PHC2: variants seen among roughly 807,000 people sequenced by gnomAD.
PHC2 encodes polyhomeotic homolog 2, also known as polyhomeotic-like protein 2.
A neutral mutation model predicts 87.4 loss-of-function variants in PHC2; 29 were observed. The ratio of observed to expected loss-of-function variants is 0.33; its 90% CI spans 0.25 to 0.45. The LOEUF (loss-of-function observed/expected upper bound fraction) is 0.45. Ranked by LOEUF, PHC2 falls within the 20% of genes least tolerant of loss-of-function variation. The probability of loss-of-function intolerance (pLI) is 1.00; values close to 1 mark genes in which losing one functional copy is unlikely to be tolerated. For missense variants in PHC2, 857 were observed against 1,136.7 expected, an observed-to-expected ratio of 0.75 and a Z score of 3.54; for synonymous variants, 438 against 461.7, an observed-to-expected ratio of 0.95 and a Z score of 0.66.
intron 1 of PHC2, among the ~76,000 whole-genome samples, chr1:33,424,031 G>A (rs1043789295): frequency 2.9e-5 from 2 of 69,598 alleles, no homozygotes; most frequent in Non-Finnish European, 5.4e-5. Flanking sequence ...GGGAGGCGGA[G>A]GTGGTGCAGT....
At position 33,367,157 on chromosome 1, in the gene PHC2, C is replaced by T. The variant is rs555828655; in HGVS notation, c.935G>A (p.Arg312Gln). Residue 312 changes from arginine (R) to glutamine (Q), a missense_variant, in exon 7 of 15, where the codon CGG becomes CAG. By Grantham distance (43) the Arg-to-Gln change is conservative. Transcript: ENST00000683057. ...GTGGGCAGCCACAGCAGGAACCGTC[C>T]GGCTGAGCCCAGCCCGGCCTTCCAT... is the stretch of plus-strand genomic sequence containing the variant. ...GSMEGRAGLS[R>Q]TVPAVAAHPL... The T allele has an allele frequency of 2.4e-5, 39 of 1,613,704 alleles. No individual in the cohort carries two copies. Among genetic ancestry groups the T allele is most frequent in the African/African-American group, 8.0e-5 (6 of 75,046 alleles).
In PHC2 at chr1:33,354,839, A is replaced by G; in HGVS notation, c.1391T>C (p.Val464Ala). ...GGACCTTGGGGCTGGCTTACTCACCACTGGTGAAGCAGGCTGCAGTTGTAA... is the reference window on the plus strand; with the variant it reads ...GGACCTTGGGGCTGGCTTACTCACCGCTGGTGAAGCAGGCTGCAGTTGTAA... ...VILQLQPASP[V>A]PQQCVPDDWK... The change falls in exon 8 of 15, where the codon GTG (valine) becomes GCG (alanine). Residue 464 changes from valine (V) to alanine (A), a missense_variant and splice_region_variant. Physicochemically the swap from Val to Ala is moderately conservative, Grantham distance 64. Coordinates refer to ENST00000683057, the MANE Select transcript of PHC2 (RefSeq NM_001385109.1). 1 of 1,612,864 alleles carries G rather than the reference A, an allele frequency of 6.2e-7. No homozygotes were observed. The highest frequency in any genetic ancestry group is 8.5e-7 in the Non-Finnish European group (1 of 1,179,346).
chr1:33,414,893 C>A (rs1650141107), intron 1 of PHC2, among the ~76,000 whole-genome samples: 1 of 152,262 alleles, frequency 6.6e-6, no homozygotes, highest in South Asian at 2.1e-4. Context: ...TTTGAAACTT[C>A]TATTTAGAAG....
chr1:33,385,364 A>G (rs1648688525), intron 1 of PHC2, among the ~76,000 whole-genome samples: 1 of 152,248 alleles, frequency 6.6e-6, no homozygotes, highest in African/African-American at 2.4e-5. Context: ...GAGAGAGTTT[A>G]GAAAAGGGGA....
Position 33,333,967 on chromosome 1 carries a change from G to A in PHC2, c.1761+123C>T, listed in dbSNP as rs1570448729. 3.3e-5 allele frequency: 27 copies of A among 819,476 alleles called. No homozygotes were observed. In the Admixed American group the frequency reaches 6.9e-4, roughly 21 times the overall value. 50.8% of individuals were successfully genotyped at this position (819,476 alleles called of 1,614,324 possible). Reference sequence around the variant, plus strand: ...AATGGCTCTATATTCTTTGGGGGAGGAAGTTAGCAAGGAAAGAGCAAATTG... The same window carrying A: ...AATGGCTCTATATTCTTTGGGGGAGAAAGTTAGCAAGGAAAGAGCAAATTG... On this transcript the variant is annotated intron_variant, in intron 10 of 14. Transcript: ENST00000683057.
chr1:33,374,531 G>A (rs1648049285), intron 2 of PHC2, among the ~76,000 whole-genome samples: 1 of 152,164 alleles, frequency 6.6e-6, no homozygotes, highest in African/African-American at 2.4e-5. Context: ...CCCTCTTACT[G>A]TCTGTTGTGG....
chr1:33,386,342 C>A (rs1031905708), intron 1 of PHC2, among the ~76,000 whole-genome samples: 1 of 151,530 alleles, frequency 6.6e-6, no homozygotes, highest in African/African-American at 2.4e-5. Flanking sequence ...ATAGTGAAAC[C>A]CCGTCTCTAC....
intron 1 of PHC2, among the ~76,000 whole-genome samples, chr1:33,420,369 A>G (rs957442920): frequency 5.9e-5 from 9 of 152,204 alleles, no homozygotes; most frequent in African/African-American, 2.2e-4. Flanking sequence ...TTCAAATAAA[A>G]CAGCTTACTA....
chr1:33,393,388 A>C (rs1401012893), intron 1 of PHC2, among the ~76,000 whole-genome samples: 1 of 151,540 alleles, frequency 6.6e-6, no homozygotes, highest in Non-Finnish European at 1.5e-5. Flanking sequence ...CCTGGTGCTG[A>C]CTGGAAAATC....
At position 33,349,681 on chromosome 1, in the gene PHC2, G is replaced by A. The variant is rs1475994843; in HGVS notation, c.1558+4720C>T. On this transcript the variant is annotated intron_variant, in intron 9 of 14. Coordinates refer to ENST00000683057, the MANE Select transcript of PHC2 (RefSeq NM_001385109.1). The surrounding 1 kb of genome is among the most constrained non-coding windows in gnomAD (Gnocchi z 4.2). ...CCGACTCGCGCGGGGTCCCGGGCCC[G>A]GGCGGGCCGCCTCCTCTCCGCCGGG... 2.2e-5 allele frequency: 22 copies of A among 984,314 alleles called. No homozygotes were observed. Among genetic ancestry groups the A allele is most frequent in the South Asian group, 4.7e-5 (1 of 21,362 alleles). 61.0% of individuals were successfully genotyped at this position (984,314 alleles called of 1,614,324 possible). A position where few individuals can be genotyped will look rare whatever the true frequency, so the allele number is the denominator to read the frequency against.
At chr1:33,354,643 G>A in intron 8 of PHC2, 77 bp from the exon 9 acceptor site, 1 of 1,475,206 alleles carries the variant, frequency 6.8e-7, no homozygotes, top group Non-Finnish European at 9.2e-7. Context: ...TGGTTTCCAT[G>A]GAGCTTGGGA....
At chr1:33,417,647 TA>T (rs1193936037) in intron 1 of PHC2, among the ~76,000 whole-genome samples, 2 of 152,082 alleles carry the variant, frequency 1.3e-5, no homozygotes, top group Non-Finnish European at 2.9e-5. Context: ...CTGATAGCAC[TA>T]AAAGGAGGAA....
At chr1:33,361,991 A>G (rs566047701) in intron 7 of PHC2, among the ~76,000 whole-genome samples, 2 of 152,344 alleles carry the variant, frequency 1.3e-5, no homozygotes, top group South Asian at 4.1e-4. Context: ...CATTAAACTA[A>G]TAGGTGATGA....
chr1:33,371,149 T>G, intron 3 of PHC2, 55 bp from the exon 4 acceptor site: 2 of 1,427,022 alleles, frequency 1.4e-6, no homozygotes, highest in Non-Finnish European at 2.0e-6. Flanking sequence ...CAGTCACTCC[T>G]GGGCTCTCAT....
At position 33,369,314 on chromosome 1, in the gene PHC2, A is replaced by G. The variant is rs142457336; in HGVS notation, c.577-692T>C. On this transcript the variant is annotated intron_variant, in intron 5 of 14. Coordinates refer to ENST00000683057, the MANE Select transcript of PHC2 (RefSeq NM_001385109.1). This position sits in a 1 kb window ranked among gnomAD's most constrained non-coding sequence, Gnocchi z 4.7. Reference sequence around the variant, plus strand: ...AGTGTGGATGTGCTGGTGCCTTGACAGGGTGCTTTCCCTAGAACTCTGCGA... The same window carrying G: ...AGTGTGGATGTGCTGGTGCCTTGACGGGGTGCTTTCCCTAGAACTCTGCGA... 2.0e-5 allele frequency among the ~76,000 whole-genome samples: 3 copies of G among 152,296 alleles called. No individual in the cohort carries two copies. The highest frequency in any genetic ancestry group is 2.9e-5 in the Non-Finnish European group (2 of 68,022).
intron 13 of PHC2, 103 bp from the exon 14 acceptor site, chr1:33,329,249 C>A: frequency 8.2e-7 from 1 of 1,212,680 alleles, no homozygotes; most frequent in South Asian, 1.4e-5. Flanking sequence ...CCTACTACTA[C>A]ACATCTGAGT....
At chr1:33,379,327 TG>T (rs1648356139) in intron 1 of PHC2, among the ~76,000 whole-genome samples, 1 of 23,690 alleles carries the variant, frequency 4.2e-5, no homozygotes, top group African/African-American at 1.8e-4. Flanking sequence ...ACTGCCCCCC[TG>T]CCCCCCACCC....
intron 1 of PHC2, among the ~76,000 whole-genome samples, chr1:33,379,658 C>T (rs973645861): frequency 6.7e-6 from 1 of 150,098 alleles, no homozygotes; most frequent in African/African-American, 2.5e-5. Context: ...CTTGGGTGGG[C>T]CCATCCTCAG....
At chr1:33,377,861 A>G (rs1648264392) in intron 1 of PHC2, among the ~76,000 whole-genome samples, 1 of 152,002 alleles carries the variant, frequency 6.6e-6, no homozygotes. Flanking sequence ...GGCTGAAAAA[A>G]GTGTGGGTAA....
Sources: gnomAD v4.1 joint callset for allele counts (sites outside exome capture counted in the v4.1 genomes callset) on GRCh38, gnomAD v4.1.1 for gene constraint, Gnocchi (gnomAD v3.1) non-coding constraint, MANE v1.5 for transcripts, NCBI Gene and HGNC (gene_info 2026-07-23, HGNC 2026-07-21) for gene names.